The following SDK1 variants were observed in gnomAD, a reference collection of about 807,000 sequenced individuals.
SDK1 encodes sidekick cell adhesion molecule 1, also known as protein sidekick-1.
A neutral mutation model predicts 245.5 loss-of-function variants in SDK1; 157 were observed. The ratio of observed to expected loss-of-function variants is 0.64; its 90% CI spans 0.56 to 0.73. The LOEUF is 0.73. SDK1 is among the 30% of genes least tolerant of loss of function. SDK1 has a pLI of 0.00. For missense variants in SDK1, 3,583 were observed against 3,002.3 expected (o/e 1.19, Z -4.52); for synonymous variants, 1,647 against 1,278.5 (o/e 1.29, Z -6.15).
At chr7:3,733,761 T>C (rs1009580384) in intron 4 of SDK1, among the ~76,000 whole-genome samples, 1 of 152,178 alleles carries the variant, frequency 6.6e-6, no homozygotes, top group African/African-American at 2.4e-5. Context: ...TCTGTTGTAC[T>C]TAAGGCCTGT....
chr7:3,912,327 G>C (rs1021458068), intron 5 of SDK1, among the ~76,000 whole-genome samples: 1 of 152,186 alleles, frequency 6.6e-6, no homozygotes, highest in Non-Finnish European at 1.5e-5. Context: ...ACTCTGAGAA[G>C]AGAGAGTTCC....
chr7:3,634,892 A>G (rs923094002), intron 2 of SDK1, among the ~76,000 whole-genome samples: 1 of 152,246 alleles, frequency 6.6e-6, no homozygotes, highest in Non-Finnish European at 1.5e-5. Context: ...ATAGAAATTC[A>G]TAAGAATTTA....
chr7:3,660,913 C>T (rs1343190400), intron 4 of SDK1, among the ~76,000 whole-genome samples: 1 of 152,100 alleles, frequency 6.6e-6, no homozygotes, highest in Non-Finnish European at 1.5e-5. Flanking sequence ...TACATTATGT[C>T]CTTTGGTGAT....
intron 30 of SDK1, among the ~76,000 whole-genome samples, chr7:4,157,871 G>A (rs1343090830): frequency 6.6e-6 from 1 of 152,156 alleles, no homozygotes; most frequent in Non-Finnish European, 1.5e-5. Flanking sequence ...GTCTCTGCCT[G>A]CAGCCGGCCA....
At chr7:3,624,068 A>G (rs900522366) in intron 2 of SDK1, among the ~76,000 whole-genome samples, 1 of 152,232 alleles carries the variant, frequency 6.6e-6, no homozygotes, top group African/African-American at 2.4e-5. Context: ...CCACGTGGAA[A>G]GTGCGTAATG....
chr7:3,540,172 C>G (rs1779013133), intron 1 of SDK1, among the ~76,000 whole-genome samples: 2 of 152,262 alleles, frequency 1.3e-5, no homozygotes, highest in Admixed American at 1.3e-4. Context: ...TTTGGAAGAC[C>G]AAGGCAGGTG....
intron 1 of SDK1, among the ~76,000 whole-genome samples, chr7:3,353,606 A>G (rs766502300): frequency 6.6e-6 from 1 of 152,318 alleles, no homozygotes; most frequent in South Asian, 2.1e-4. Flanking sequence ...GTAACTTACC[A>G]TTCCAGTCTA....
Position 3,974,364 on chromosome 7 carries a change from C to T in SDK1, c.1818-5C>T. 1.2e-6 allele frequency: 2 copies of T among 1,609,816 alleles called. No individual in the cohort carries two copies. The highest frequency in any genetic ancestry group is 1.7e-6 in the Non-Finnish European group (2 of 1,176,560). ...GTAACTCAAGACCCTTTGCTTGGCC[C>T]ACAGCTACGTTTGGAAGAAGGACAA... On this transcript the variant is annotated splice_region_variant and splice_polypyrimidine_tract_variant and intron_variant, in intron 12 of 44. Coordinates refer to ENST00000404826, the MANE Select transcript of SDK1 (RefSeq NM_152744.4).
chr7:3,622,944 A>G (rs964357651), intron 2 of SDK1, among the ~76,000 whole-genome samples: 2 of 151,510 alleles, frequency 1.3e-5, no homozygotes, highest in Non-Finnish European at 2.9e-5. Flanking sequence ...ATCTCATACT[A>G]TTTTTTCAAA....
At chr7:3,990,207 T>G (rs1784190215) in intron 14 of SDK1, among the ~76,000 whole-genome samples, 1 of 152,244 alleles carries the variant, frequency 6.6e-6, no homozygotes, top group African/African-American at 2.4e-5. Context: ...TTCCGGGTCT[T>G]AGGCTTCTAA....
At chr7:3,691,011 AT>A (rs539485754) in intron 4 of SDK1, among the ~76,000 whole-genome samples, 10 of 152,164 alleles carry the variant, frequency 6.6e-5, no homozygotes, top group Non-Finnish European at 1.5e-4. Context: ...TCACTGGTTG[AT>A]TTTGTCCTTC....
intron 1 of SDK1, among the ~76,000 whole-genome samples, chr7:3,469,836 T>A (rs1263165507): frequency 6.6e-6 from 1 of 152,184 alleles, no homozygotes; most frequent in Non-Finnish European, 1.5e-5. Flanking sequence ...AAATTGAAAA[T>A]GCTTCCTAAG....
chr7:3,488,666 G>C (rs1583937008), intron 1 of SDK1, among the ~76,000 whole-genome samples: 3 of 152,162 alleles, frequency 2.0e-5, no homozygotes, highest in South Asian at 2.1e-4. Flanking sequence ...AAAATGGCTT[G>C]AATAGAAAGA....
chr7:3,913,994 C>G (rs536673852), intron 5 of SDK1, among the ~76,000 whole-genome samples: 1 of 152,276 alleles, frequency 6.6e-6, no homozygotes, highest in Admixed American at 6.5e-5. Flanking sequence ...ATGGTGCCTG[C>G]TTTTCTGAAA....
rs1562494345 is a variant in SDK1, at chr7:4,264,206, T to TA, written c.6382-918_6382-917insA. Among the ~76,000 whole-genome samples, 36 of 24,128 alleles carry TA rather than the reference T, an allele frequency of 1.5e-3. 5 individuals carry two copies. The highest frequency in any genetic ancestry group is 4.1e-3 in the African/African-American group (16 of 3,858). The allele number at this position is 24,128 out of a possible 152,430, so 15.8% of individuals were successfully genotyped here. A position where few individuals can be genotyped will look rare whatever the true frequency, so the allele number is the denominator to read the frequency against. On this transcript the variant is annotated intron_variant, in intron 44 of 44. Transcript: ENST00000404826. Reference sequence around the variant, plus strand: ...GGAGGCCGCGTAGACCTCTCCTGAGTGGGGGAGGCCGCGTAGACCTCTCCT... The same window carrying TA: ...GGAGGCCGCGTAGACCTCTCCTGAGTAGGGGGAGGCCGCGTAGACCTCTCCT...
intron 4 of SDK1, among the ~76,000 whole-genome samples, chr7:3,765,343 GA>G (rs1780224763): frequency 6.6e-6 from 1 of 152,162 alleles, no homozygotes; most frequent in African/African-American, 2.4e-5. Flanking sequence ...TCCAGATAGG[GA>G]AATACAGTAT....
At chr7:3,974,694 A>T (rs995935170) in intron 13 of SDK1, 149 bp downstream of exon 13, 2 of 634,124 alleles carry the variant, frequency 3.2e-6, no homozygotes, top group African/African-American at 3.7e-5. Context: ...ATAACTACAT[A>T]TATGGACAAG....
At chr7:4,195,942 C>T (rs1462986178) in intron 35 of SDK1, among the ~76,000 whole-genome samples, 1 of 152,178 alleles carries the variant, frequency 6.6e-6, no homozygotes, top group African/African-American at 2.4e-5. Context: ...CAAGTCTCTC[C>T]ACCACACCCA....
chr7:4,128,417 G>A (rs903072635), intron 26 of SDK1, among the ~76,000 whole-genome samples: 8 of 152,198 alleles, frequency 5.3e-5, no homozygotes, highest in Non-Finnish European at 1.2e-4. Flanking sequence ...CGAGAAACGC[G>A]CTTGCTGTGC....
Sources: gnomAD v4.1 joint callset for allele counts (sites outside exome capture counted in the v4.1 genomes callset) on GRCh38, gnomAD v4.1.1 for gene constraint, MANE v1.5 for transcripts, NCBI Gene and HGNC (gene_info 2026-07-23, HGNC 2026-07-21) for gene names.